The following TOMM70 variants were observed in gnomAD, a reference collection of about 807,000 sequenced individuals.
TOMM70 encodes mitochondrial import receptor subunit TOM70.
Under a neutral mutation model 73.6 loss-of-function variants are expected in TOMM70, and 13 were observed. The ratio of observed to expected loss-of-function variants is 0.18; its 90% CI spans 0.11 to 0.28. The LOEUF (loss-of-function observed/expected upper bound fraction) is 0.28, where lower values mean the gene tolerates loss of function less well. TOMM70 is among the 10% of genes least tolerant of loss of function. The pLI is 1.00. For synonymous variants in TOMM70, 257 were observed against 271.2 expected, an observed-to-expected ratio of 0.95 and a Z score of 0.51; for missense variants, 609 against 747.5, an observed-to-expected ratio of 0.81 and a Z score of 2.16.
chr3:100,400,314 A>G (rs138138341), intron 1 of TOMM70, among the ~76,000 whole-genome samples: 75 of 152,324 alleles, frequency 4.9e-4, no homozygotes, highest in Non-Finnish European at 9.3e-4. Flanking sequence ...TCCTTCACTT[A>G]TTAAATACAA....
intron 11 of TOMM70, 149 bp from the exon 12 acceptor site, chr3:100,365,866 C>G (rs1706443302): frequency 2.3e-6 from 2 of 865,264 alleles, no homozygotes; most frequent in Admixed American, 2.8e-5. Context: ...GAAGTCTGAC[C>G]ACTAAGTTTC....
chr3:100,365,824 A>G (rs998161273), intron 11 of TOMM70, 107 bp from the exon 12 acceptor site: 24 of 1,272,264 alleles, frequency 1.9e-5, no homozygotes, highest in East Asian at 2.4e-5. Flanking sequence ...TTTCTTCACA[A>G]TATTCAATGA....
chr3:100,372,576 T>C (rs1402472524), intron 9 of TOMM70, 30 bp downstream of exon 9: 1 of 1,554,528 alleles, frequency 6.4e-7, no homozygotes, highest in Admixed American at 1.8e-5. Flanking sequence ...TGTATGCAGT[T>C]ATTTTTAAAA....
In TOMM70 at chr3:100,391,428, T is replaced by C. The variant is rs564787392; in HGVS notation, c.325-4450A>G. ...GACAAGATGTAGAGGAGGACAGGGA[T>C]ACTGATGATTCTGACCTTGTGTAGG... is the stretch of plus-strand genomic sequence containing the variant. On this transcript the variant is annotated intron_variant, in intron 1 of 11. Coordinates refer to ENST00000284320, the MANE Select transcript of TOMM70 (RefSeq NM_014820.5). 4.6e-5 allele frequency among the ~76,000 whole-genome samples: 7 copies of C among 152,334 alleles called. No individual in the cohort carries two copies. The South Asian group carries it at 1.4e-3, about 32-fold the overall frequency.
At chr3:100,379,354 T>TA (rs1451994655) in intron 5 of TOMM70, among the ~76,000 whole-genome samples, 1 of 152,184 alleles carries the variant, frequency 6.6e-6, no homozygotes, top group African/African-American at 2.4e-5. Flanking sequence ...CCAGACATGG[T>TA]GGCTCATGCC....
intron 3 of TOMM70, among the ~76,000 whole-genome samples, chr3:100,385,194 TA>T (rs1246065012): frequency 6.6e-6 from 1 of 152,252 alleles, no homozygotes; most frequent in Non-Finnish European, 1.5e-5. Flanking sequence ...AATCTGCTGA[TA>T]TATTCCCCTG....
chr3:100,379,583 G>A (rs1419821734), intron 5 of TOMM70, among the ~76,000 whole-genome samples: 4 of 152,096 alleles, frequency 2.6e-5, no homozygotes, highest in African/African-American at 4.8e-5. Flanking sequence ...AGCTATGATC[G>A]CAACACTCTA....
intron 1 of TOMM70, among the ~76,000 whole-genome samples, chr3:100,396,987 G>A (rs184111519): frequency 2.1e-4 from 32 of 152,254 alleles, no homozygotes; most frequent in African/African-American, 6.7e-4. Flanking sequence ...GTAAACATAA[G>A]CCAAAAGACA....
chr3:100,384,492 T>C lies in TOMM70; in HGVS notation c.722A>G (p.Lys241Arg), dbSNP rs568027505. The change falls in exon 4 of 12, where the codon AAA becomes AGA. Residue 241 changes from lysine to arginine, a missense_variant. Coordinates refer to ENST00000284320, the MANE Select transcript of TOMM70 (RefSeq NM_014820.5). ...AGATCAATTTACCTTATATTTTTCT[T>C]TGGCTTTCTCTTTTCCAAGGAGTTT... ...VLKLLGKEKA[K>R]EKYKNREPLM... The C allele has an allele frequency of 1.2e-6, 2 of 1,606,514 alleles. No individual in the cohort carries two copies. The highest frequency in any genetic ancestry group is 2.2e-5 in the South Asian group (2 of 90,346).
Position 100,365,222 on chromosome 3 carries a change from C to T in TOMM70, c.*342G>A, listed in dbSNP as rs947312220. On this transcript the variant is annotated 3_prime_UTR_variant, in exon 12 of 12. Transcript: ENST00000284320. The stretch of plus-strand genomic sequence containing the variant: ...TTCACACATATATAGACGGAATCAT[C>T]CAGAACATAATCAACTGCCAACCCC... The T allele has an allele frequency of 7.2e-5, 16 of 223,344 alleles. No individual in the cohort carries two copies. Among genetic ancestry groups the T allele is most frequent in the Non-Finnish European group, 1.1e-4 (12 of 111,004 alleles). 13.8% of individuals were successfully genotyped at this position (223,344 alleles called of 1,614,324 possible).
intron 4 of TOMM70, 143 bp from the exon 5 acceptor site, chr3:100,381,906 C>A: frequency 1.2e-6 from 1 of 823,390 alleles, no homozygotes. Flanking sequence ...AGCCACAGAA[C>A]AAAAGACAGT....
chr3:100,372,663 A>T lies in TOMM70; in HGVS notation c.1395T>A (p.Phe465Leu). Residue 465 changes from phenylalanine (F) to leucine (L), a missense_variant, in exon 9 of 12, where the codon TTT (phenylalanine) becomes TTA (leucine). By Grantham distance (22) the Phe-to-Leu change is conservative (BLOSUM62 0). Transcript: ENST00000284320. ...SSQIQAAMKGFEEVIKKFPRC... is the reference protein window; with the variant it reads ...SSQIQAAMKGLEEVIKKFPRC... ...TTGGAAATTTCTTTATGACCTCTTC[A>T]AAACCTTTCATAGCTGCTTGGATTT... 6.2e-7 allele frequency: 1 copy of T among 1,614,194 alleles called. No homozygotes were observed. The highest frequency in any genetic ancestry group is 8.5e-7 in the Non-Finnish European group (1 of 1,180,012).
Position 100,400,739 on chromosome 3 carries a change from G to C in TOMM70, c.211C>G (p.Arg71Gly). Residue 71 changes from arginine to glycine, a missense_variant, in exon 1 of 12, where the codon CGG (arginine) becomes GGG (glycine). Coordinates refer to ENST00000284320, the MANE Select transcript of TOMM70 (RefSeq NM_014820.5). ...CGCTTCAGGCCGCTGGCGTCGCCCC[G>C]GCCTCTGGCCTCCCGGCGCCGTTGC... ...RQQRRREARG[R>G]GDASGLKRNS... The C allele has an allele frequency of 6.2e-7, 1 of 1,602,426 alleles. No individual in the cohort carries two copies. The highest frequency in any genetic ancestry group is 8.5e-7 in the Non-Finnish European group (1 of 1,176,714).
In TOMM70 at chr3:100,384,443, C is replaced by T. The variant is rs1706668182; in HGVS notation, c.735+36G>A. The stretch of plus-strand genomic sequence containing the variant: ...TAGAAAATACCCTTCACAATGTACA[C>T]AGTACTCCCCCATTCCCCAAATCAG... On this transcript the variant is annotated intron_variant, in intron 4 of 11. Coordinates refer to ENST00000284320, the MANE Select transcript of TOMM70 (RefSeq NM_014820.5). 4 of 1,463,084 alleles carry T rather than the reference C, an allele frequency of 2.7e-6. 1 individual carries two copies. In the East Asian group the frequency reaches 9.1e-5, roughly 33 times the overall value. The allele number at this position is 1,463,084 out of a possible 1,614,324, so 90.6% of individuals were successfully genotyped here.
chr3:100,398,018 G>A (rs1018116733), intron 1 of TOMM70, among the ~76,000 whole-genome samples: 2 of 152,302 alleles, frequency 1.3e-5, no homozygotes, highest in Non-Finnish European at 2.9e-5. Flanking sequence ...GAGATGGCTA[G>A]GTTTTATCAA....
In TOMM70 at chr3:100,365,361, G is replaced by C; in HGVS notation, c.*203C>G. 1 of 575,358 alleles carries C rather than the reference G, an allele frequency of 1.7e-6. No individual in the cohort carries two copies. Among genetic ancestry groups the C allele is most frequent in the Non-Finnish European group, 2.9e-6 (1 of 349,628 alleles). 35.6% of individuals were successfully genotyped at this position (575,358 alleles called of 1,614,324 possible). ...ACATGTTCTAATCTTTTGTTGCACAGGGAATAAAAGCTGCAAGACTGCAAA... is the reference window on the plus strand; with the variant it reads ...ACATGTTCTAATCTTTTGTTGCACACGGAATAAAAGCTGCAAGACTGCAAA... On this transcript the variant is annotated 3_prime_UTR_variant, in exon 12 of 12. Coordinates refer to ENST00000284320, the MANE Select transcript of TOMM70 (RefSeq NM_014820.5).
At chr3:100,371,195 G>A (rs1706505711) in intron 9 of TOMM70, among the ~76,000 whole-genome samples, 1 of 150,844 alleles carries the variant, frequency 6.6e-6, no homozygotes, top group South Asian at 2.1e-4. Context: ...TACCATGAAG[G>A]AAATTAAAAA....
At chr3:100,367,714 A>T (rs1454053697) in intron 11 of TOMM70, among the ~76,000 whole-genome samples, 1 of 152,234 alleles carries the variant, frequency 6.6e-6, no homozygotes, top group Non-Finnish European at 1.5e-5. Flanking sequence ...AACTCTGGAT[A>T]AACACTTACA....
At chr3:100,383,398 C>T (rs1706657563) in intron 4 of TOMM70, among the ~76,000 whole-genome samples, 1 of 152,030 alleles carries the variant, frequency 6.6e-6, no homozygotes, top group Admixed American at 6.6e-5. Context: ...TGGTGCATGC[C>T]TGTAGTCCCA....
Sources: allele counts gnomAD v4.1 joint callset (sites outside exome capture counted in the v4.1 genomes callset), GRCh38; gene constraint gnomAD v4.1.1; transcripts MANE v1.5; gene names NCBI Gene and HGNC (gene_info 2026-07-23, HGNC 2026-07-21).